The following TNPO3 variants were observed in gnomAD, a reference collection of about 807,000 sequenced individuals.
TNPO3 encodes transportin-3.
TNPO3 carries 65 observed loss-of-function variants against 122.8 expected under a neutral mutation model. That is an observed-to-expected ratio of 0.53 (90% CI 0.43 to 0.65). The LOEUF is 0.65. Among genes scored for constraint, TNPO3 ranks in the 30% least tolerant of loss-of-function variants. The pLI is 0.00. For missense variants in TNPO3, 850 were observed against 1,136.7 expected (o/e 0.75, Z 3.63); for synonymous variants, 372 against 411.2 (o/e 0.90, Z 1.15).
chr7:128,996,897 T>C (rs997230333), intron 8 of TNPO3, among the ~76,000 whole-genome samples: 4 of 152,206 alleles, frequency 2.6e-5, no homozygotes, highest in Non-Finnish European at 4.4e-5. Flanking sequence ...TATACTGCTG[T>C]ACATGGGTTT....
At chr7:128,996,497 A>T (rs1269110512) in intron 8 of TNPO3, among the ~76,000 whole-genome samples, 1 of 152,108 alleles carries the variant, frequency 6.6e-6, no homozygotes, top group Non-Finnish European at 1.5e-5. Flanking sequence ...TAATCTCAGC[A>T]CTTTGGGAGG....
At chr7:129,043,585 T>A (rs1291991040) in intron 1 of TNPO3, among the ~76,000 whole-genome samples, 5 of 152,216 alleles carry the variant, frequency 3.3e-5, no homozygotes, top group Non-Finnish European at 4.4e-5. Context: ...TACATAGTTG[T>A]TGGTCACACA....
rs897418561 is a variant in TNPO3 at position 128,955,028 on chromosome 7, C to T, written c.*389G>A. 4.3e-5 allele frequency: 13 copies of T among 302,560 alleles called. No homozygotes were observed. Among genetic ancestry groups the T allele is most frequent in the African/African-American group, 6.9e-5 (3 of 43,530 alleles). The allele number at this position is 302,560 out of a possible 1,614,324, so 18.7% of individuals were successfully genotyped here. A position where few individuals can be genotyped will look rare whatever the true frequency, so the allele number is the denominator to read the frequency against. On this transcript the variant is annotated 3_prime_UTR_variant, in exon 23 of 23. Coordinates refer to ENST00000265388, the MANE Select transcript of TNPO3 (RefSeq NM_012470.4). ...GCGCTTGTGCGTGTATGTGTGTGTG[C>T]GTGCATGTGTCATTTGCTACCAGGT...
chr7:129,051,235 C>T (rs1387337497), intron 1 of TNPO3, among the ~76,000 whole-genome samples: 8 of 151,436 alleles, frequency 5.3e-5, no homozygotes, highest in Non-Finnish European at 1.2e-4. Context: ...ATTAGTAAAA[C>T]TACATAAAGA....
intron 13 of TNPO3, 97 bp downstream of exon 13, chr7:128,984,071 A>C (rs1799904915): frequency 1.5e-6 from 1 of 658,454 alleles, no homozygotes; most frequent in African/African-American, 1.9e-5. Context: ...TGGATTTTCT[A>C]GGTAGACAAA....
chr7:128,994,618 C>CA (rs1461458090), intron 8 of TNPO3, among the ~76,000 whole-genome samples: 2 of 152,002 alleles, frequency 1.3e-5, no homozygotes, highest in Non-Finnish European at 2.9e-5. Context: ...CAAGATCTAC[C>CA]AAAATCAACC....
chr7:128,990,446 T>C (rs543888724), intron 10 of TNPO3, among the ~76,000 whole-genome samples: 385 of 152,330 alleles, frequency 2.5e-3, no homozygotes, highest in African/African-American at 8.9e-3. Context: ...TTTTATTTAG[T>C]CCTATAGCTG....
intron 13 of TNPO3, among the ~76,000 whole-genome samples, chr7:128,982,612 C>T (rs1400273260): frequency 6.6e-6 from 1 of 151,660 alleles, no homozygotes; most frequent in Admixed American, 6.6e-5. Flanking sequence ...TCCCATTTAC[C>T]TTAATTATTA....
chr7:128,992,694 A>C (rs1328200981), intron 9 of TNPO3, among the ~76,000 whole-genome samples: 1 of 152,224 alleles, frequency 6.6e-6, no homozygotes, highest in Non-Finnish European at 1.5e-5. Flanking sequence ...TAGTGAAATA[A>C]CAGACACTGC....
Position 128,962,292 on chromosome 7 carries a change from G to A in TNPO3, c.2712-4977C>T, listed in dbSNP as rs181933248. 9.9e-5 allele frequency among the ~76,000 whole-genome samples: 15 copies of A among 151,356 alleles called. No homozygotes were observed. The East Asian group carries it at 2.7e-3, about 28-fold the overall frequency. On this transcript the variant is annotated intron_variant, in intron 21 of 22. Coordinates refer to ENST00000265388, the MANE Select transcript of TNPO3 (RefSeq NM_012470.4). ...AGGCAGGAGAATGGCGTGAACCCGGGAAGTGGAGCTTGCAGTGAGCCGAGA... is the reference window on the plus strand; with the variant it reads ...AGGCAGGAGAATGGCGTGAACCCGGAAAGTGGAGCTTGCAGTGAGCCGAGA...
intron 7 of TNPO3, among the ~76,000 whole-genome samples, chr7:128,999,050 A>C (rs1460849413): frequency 1.3e-5 from 2 of 151,938 alleles, no homozygotes; most frequent in African/African-American, 4.8e-5. Flanking sequence ...ATGGGGTTTC[A>C]TCATGTTGGT....
rs144859720 is a variant in TNPO3 at position 128,967,660 on chromosome 7, G to A, written c.2599-268C>T. On this transcript the variant is annotated intron_variant, in intron 20 of 22. Transcript: ENST00000265388. ...CGACTTTCTACACCTTAGAAGTGAA[G>A]TTTCTTCGGGATGAGGCTATTGTTT... is the stretch of plus-strand genomic sequence containing the variant. Among the ~76,000 whole-genome samples, 1,000 of 152,274 alleles carry A rather than the reference G, an allele frequency of 6.6e-3. 7 individuals are homozygous for A. Among genetic ancestry groups the A allele is most frequent in the African/African-American group, 0.023 (962 of 41,560 alleles).
At chr7:129,015,199 A>G in intron 3 of TNPO3, 64 bp from the exon 4 acceptor site, 1 of 1,549,528 alleles carries the variant, frequency 6.5e-7, no homozygotes, top group Non-Finnish European at 8.7e-7. Context: ...ACATAAGATA[A>G]CAGCCATCAG....
chr7:129,005,487 A>C (rs1190002677), intron 4 of TNPO3, among the ~76,000 whole-genome samples: 1 of 152,146 alleles, frequency 6.6e-6, no homozygotes, highest in Non-Finnish European at 1.5e-5. Flanking sequence ...CCCCAGTGTT[A>C]GAGGAGGGTT....
chr7:129,005,214 T>C, intron 4 of TNPO3, 55 bp from the exon 5 acceptor site: 1 of 1,483,802 alleles, frequency 6.7e-7, no homozygotes, highest in Non-Finnish European at 9.2e-7. Flanking sequence ...ATTTAAACCA[T>C]TATTTCAATC....
chr7:128,962,530 AG>A (rs1353412551), intron 21 of TNPO3, among the ~76,000 whole-genome samples: 1 of 152,238 alleles, frequency 6.6e-6, no homozygotes, highest in East Asian at 1.9e-4. Flanking sequence ...TAAAATCAAA[AG>A]GGAGACTGAG....
At chr7:128,973,735 CAAAAAAAAA>C (rs71162544) in intron 18 of TNPO3, among the ~76,000 whole-genome samples, 4 of 5,270 alleles carry the variant, frequency 7.6e-4, no homozygotes, top group East Asian at 7.5e-3. Flanking sequence ...GACTCCGTCT[CAAAAAAAAA>C]AAAAAAAAAA....
chr7:129,034,463 G>A (rs771412506), intron 1 of TNPO3, among the ~76,000 whole-genome samples: 3 of 152,228 alleles, frequency 2.0e-5, no homozygotes, highest in African/African-American at 7.2e-5. Flanking sequence ...CCATGATCAC[G>A]CCACTGCATT....
chr7:128,983,706 TC>T (rs1799868635), intron 13 of TNPO3, among the ~76,000 whole-genome samples: 1 of 152,194 alleles, frequency 6.6e-6, no homozygotes, highest in Non-Finnish European at 1.5e-5. Flanking sequence ...AATCTCTGAA[TC>T]CACTTATGAC....
Sources: allele counts gnomAD v4.1 joint callset (sites outside exome capture counted in the v4.1 genomes callset), GRCh38; gene constraint gnomAD v4.1.1; transcripts MANE v1.5; gene names NCBI Gene and HGNC (gene_info 2026-07-23, HGNC 2026-07-21).